Variants in TRRAP observed in about 807,000 individuals in gnomAD.
TRRAP encodes the protein transformation/transcription domain associated protein.
In TRRAP, 41 loss-of-function variants were observed where a neutral mutation model predicts 438.8. The ratio of observed to expected loss-of-function variants is 0.09; its 90% CI spans 0.07 to 0.12. TRRAP has a LOEUF of 0.12. Ranked by LOEUF, TRRAP falls within the 10% of genes least tolerant of loss-of-function variation. The pLI is 1.00. For synonymous variants in TRRAP, 1,994 were observed against 1,962.9 expected (o/e 1.02, Z -0.42); for missense variants, 3,122 against 5,055.1 (o/e 0.62, Z 11.60).
In TRRAP at chr7:98,906,469, G is replaced by A. The variant is rs150604441; in HGVS notation, c.1115+214G>A. On this transcript the variant is annotated intron_variant, in intron 13 of 72. Coordinates refer to ENST00000456197, the MANE Select transcript of TRRAP (RefSeq NM_001375524.1). ...TTATTTTGAGGCCGAGTCTCACTCTGTCACCCGGGCTGGAGTATAGCAGTG... is the reference window on the plus strand; with the variant it reads ...TTATTTTGAGGCCGAGTCTCACTCTATCACCCGGGCTGGAGTATAGCAGTG... Among the ~76,000 whole-genome samples, 259 of 151,886 alleles carry A rather than the reference G, an allele frequency of 1.7e-3. 2 individuals carry two copies. The highest frequency in any genetic ancestry group is 6.0e-3 in the African/African-American group (249 of 41,352).
At chr7:98,966,300 T>C (rs955468664) in intron 49 of TRRAP, among the ~76,000 whole-genome samples, 4 of 151,776 alleles carry the variant, frequency 2.6e-5, no homozygotes, top group Non-Finnish European at 5.9e-5. Flanking sequence ...AGCAAGACTC[T>C]GTCTTGGAAA....
intron 67 of TRRAP, chr7:98,999,344 A>G: frequency 3.5e-6 from 5 of 1,411,398 alleles, no homozygotes; most frequent in Non-Finnish European, 5.0e-6. Flanking sequence ...CCTGGATCAG[A>G]CTTGACAGTG....
intron 20 of TRRAP, among the ~76,000 whole-genome samples, chr7:98,921,375 A>T (rs1554410452): frequency 6.6e-6 from 1 of 151,736 alleles, no homozygotes; most frequent in Non-Finnish European, 1.5e-5. Flanking sequence ...GTGTTCCATC[A>T]CTTTGAGGGT....
chr7:98,993,834 G>A (rs868051270), intron 66 of TRRAP, 97 bp downstream of exon 66: 108 of 1,249,148 alleles, frequency 8.6e-5, no homozygotes, highest in African/African-American at 1.3e-4. Flanking sequence ...TTTAGTTGCC[G>A]GTCCTTTTAT....
chr7:98,923,541 G>A (rs1441190405), intron 21 of TRRAP, among the ~76,000 whole-genome samples: 1 of 152,192 alleles, frequency 6.6e-6, no homozygotes, highest in Admixed American at 6.5e-5. Flanking sequence ...ATTCTTTTTG[G>A]CAGGTAATTG....
chr7:98,902,698 G>C (rs1796523004), intron 11 of TRRAP, among the ~76,000 whole-genome samples: 1 of 151,998 alleles, frequency 6.6e-6, no homozygotes, highest in Non-Finnish European at 1.5e-5. Context: ...AGAAGATTGT[G>C]GTTAGAGCCT....
intron 30 of TRRAP, among the ~76,000 whole-genome samples, chr7:98,940,069 G>T (rs1790730555): frequency 6.6e-6 from 1 of 151,878 alleles, no homozygotes; most frequent in African/African-American, 2.4e-5. Flanking sequence ...TTTTAATAGA[G>T]ACTGGGTTTT....
rs1043676044 is a variant in TRRAP at position 99,005,077 on chromosome 7, A to C, written c.10536-54A>C. The C allele has an allele frequency of 2.6e-6, 4 of 1,566,272 alleles. No homozygotes were observed. The highest frequency in any genetic ancestry group is 2.6e-6 in the Non-Finnish European group (3 of 1,140,780). On this transcript the variant is annotated intron_variant, in intron 68 of 72. Transcript: ENST00000456197. The surrounding 1 kb of genome is among the most constrained non-coding windows in gnomAD (Gnocchi z 5.1). ...GACATTCCTAGCTTCTTCTCAAGAC[A>C]AGGACTGGTAGCAGAGATGCAGGGC...
chr7:98,922,253 G>T (rs967928500), intron 21 of TRRAP, among the ~76,000 whole-genome samples: 1 of 152,192 alleles, frequency 6.6e-6, no homozygotes, highest in Non-Finnish European at 1.5e-5. Context: ...GAGAACCTGA[G>T]TTGAGTCCAT....
At position 98,910,564 on chromosome 7, in the gene TRRAP, T is replaced by G. The variant is rs782769668; in HGVS notation, c.1769T>G (p.Ile590Ser). 6.2e-7 allele frequency: 1 copy of G among 1,613,922 alleles called. No individual in the cohort carries two copies. The highest frequency in any genetic ancestry group is 1.1e-5 in the South Asian group (1 of 90,984). ...QLQPKETQIY[I>S]KLVKYAMQAL... ...CAACCCAAAGAGACACAGATTTACA[T>G]CAAACTTGTGAAATATGCAATGCAA... Residue 590 changes from isoleucine to serine, a missense_variant, in exon 16 of 73, where the codon ATC (isoleucine) becomes AGC (serine). Physicochemically the swap from Ile to Ser is moderately radical, Grantham distance 142 (BLOSUM62 -2). Coordinates refer to ENST00000456197, the MANE Select transcript of TRRAP (RefSeq NM_001375524.1).
intron 45 of TRRAP, 92 bp from the exon 46 acceptor site, chr7:98,961,169 C>A: frequency 2.6e-6 from 3 of 1,168,872 alleles, no homozygotes; most frequent in Non-Finnish European, 1.3e-6. Flanking sequence ...AATAATTAAT[C>A]CAGTGCTAGA....
rs187252096 is a variant in TRRAP, at chr7:98,989,030, T to A, written c.9591+64T>A. ...GTCACCTTCAGATTTGGACAGAAAT[T>A]TAGCTATAGTTTACTCATCCGTGCC... On this transcript the variant is annotated intron_variant, in intron 63 of 72. Coordinates refer to ENST00000456197, the MANE Select transcript of TRRAP (RefSeq NM_001375524.1). 1.7e-5 allele frequency: 26 copies of A among 1,536,986 alleles called. No homozygotes were observed. The East Asian group carries it at 5.4e-4, about 32-fold the overall frequency.
chr7:98,912,703 C>T (rs916906307), intron 18 of TRRAP, among the ~76,000 whole-genome samples: 10 of 151,774 alleles, frequency 6.6e-5, no homozygotes, highest in African/African-American at 1.5e-4. Flanking sequence ...GTGATGCAAA[C>T]GAACTTATTA....
At chr7:98,945,240 GCA>G (rs1285922567) in intron 31 of TRRAP, among the ~76,000 whole-genome samples, 4 of 152,086 alleles carry the variant, frequency 2.6e-5, no homozygotes, top group Admixed American at 6.5e-5. Flanking sequence ...ATACATGCGT[GCA>G]CACACACACC....
rs781788801 is a variant in TRRAP at position 98,921,944 on chromosome 7, C to G, written c.2814C>G (p.Pro938=). The change falls in exon 21 of 73, where the codon CCC becomes CCG. Residue 938 remains proline (P), a synonymous_variant. Coordinates refer to ENST00000456197, the MANE Select transcript of TRRAP (RefSeq NM_001375524.1). ...ACTGCAAAGCTTCTCTCCAGCTCCCCATGGAGAAGGTAAGCTCTGTGACAA... is the reference window on the plus strand; with the variant it reads ...ACTGCAAAGCTTCTCTCCAGCTCCCGATGGAGAAGGTAAGCTCTGTGACAA... ...FSDCKASLQL[P]MEKAIETALD... The G allele has an allele frequency of 1.2e-6, 2 of 1,614,216 alleles. No individual in the cohort carries two copies. The highest frequency in any genetic ancestry group is 1.7e-6 in the Non-Finnish European group (2 of 1,180,036).
At position 99,005,364 on chromosome 7, in the gene TRRAP, A is replaced by G; in HGVS notation, c.10753+16A>G. ...TTTTTCACAGGTAGGGTTGAGAGCC[A>G]CAGCTCGCTGGGTACACAGGCAGCT... is the stretch of plus-strand genomic sequence containing the variant. On this transcript the variant is annotated intron_variant, in intron 69 of 72. Coordinates refer to ENST00000456197, the MANE Select transcript of TRRAP (RefSeq NM_001375524.1). This position sits in a 1 kb window ranked among gnomAD's most constrained non-coding sequence, Gnocchi z 5.1. The G allele has an allele frequency of 1.2e-6, 2 of 1,613,116 alleles. No individual in the cohort carries two copies. Among genetic ancestry groups the G allele is most frequent in the Non-Finnish European group, 1.7e-6 (2 of 1,179,412 alleles).
At chr7:98,967,199 G>A (rs764101908) in intron 50 of TRRAP, 37 bp downstream of exon 50, 3 of 1,589,420 alleles carry the variant, frequency 1.9e-6, no homozygotes, top group Non-Finnish European at 2.6e-6. Flanking sequence ...ACATATATTG[G>A]TCCTTAATGT....
chr7:98,881,436 G>A (rs1467911711), intron 2 of TRRAP, among the ~76,000 whole-genome samples, 186 bp downstream of exon 2: 3 of 152,102 alleles, frequency 2.0e-5, no homozygotes, highest in African/African-American at 7.2e-5. Context: ...GCCAGGTGTG[G>A]TGGCTCACGC....
chr7:99,004,909 C>T (rs1234017386), intron 68 of TRRAP, among the ~76,000 whole-genome samples: 1 of 152,196 alleles, frequency 6.6e-6, no homozygotes, highest in Non-Finnish European at 1.5e-5. Flanking sequence ...TCCTGGCCAG[C>T]TCTCCCTCCT....
Sources: gnomAD v4.1 joint callset for allele counts (sites outside exome capture counted in the v4.1 genomes callset) on GRCh38, gnomAD v4.1.1 for gene constraint, Gnocchi (gnomAD v3.1) non-coding constraint, MANE v1.5 for transcripts, NCBI Gene and HGNC (gene_info 2026-07-23, HGNC 2026-07-21) for gene names.